SH3BP2: variants seen among roughly 807,000 people sequenced by gnomAD.
The protein encoded by SH3BP2 is SH3 domain-binding protein 2.
SH3BP2 carries 38 observed loss-of-function variants against 56.2 expected under a neutral mutation model. That is an observed-to-expected ratio of 0.68 (90% CI 0.52 to 0.89). SH3BP2 has a LOEUF of 0.89. Among genes scored for constraint, SH3BP2 ranks in the 40% least tolerant of loss-of-function variants. The pLI is 0.00. For synonymous variants in SH3BP2, 346 were observed against 316.7 expected, an observed-to-expected ratio of 1.09 and a Z score of -0.98; for missense variants, 748 against 762.6, an observed-to-expected ratio of 0.98 and a Z score of 0.23.
rs1725146497 is a variant in SH3BP2, at chr4:2,834,021, A to G, written c.*187A>G. On this transcript the variant is annotated 3_prime_UTR_variant, in exon 13 of 13. Coordinates refer to ENST00000503393, the MANE Select transcript of SH3BP2 (RefSeq NM_001122681.2). ...GCAGGTTGGGTTCTAGGGCTGAACC[A>G]GGCGCCAGGCTCCAGAGGACGAAGG... 3.0e-6 allele frequency: 2 copies of G among 666,590 alleles called. No individual in the cohort carries two copies. The highest frequency in any genetic ancestry group is 2.9e-5 in the Admixed American group (1 of 33,954). 41.3% of individuals were successfully genotyped at this position (666,590 alleles called of 1,614,324 possible). A position where few individuals can be genotyped will look rare whatever the true frequency, so the allele number is the denominator to read the frequency against.
intron 5 of SH3BP2, among the ~76,000 whole-genome samples, chr4:2,825,594 GCACA>G (rs140946265): frequency 6.6e-6 from 1 of 151,520 alleles, no homozygotes; most frequent in Non-Finnish European, 1.5e-5. Context: ...ACACAGACAT[GCACA>G]CACACACAGA....
chr4:2,832,945 C>T (rs375329481), intron 11 of SH3BP2, 45 bp from the exon 12 acceptor site: 39 of 1,598,772 alleles, frequency 2.4e-5, no homozygotes, highest in African/African-American at 4.0e-5. Context: ...AGGCTGGTCC[C>T]GCTGTTTCTC....
chr4:2,811,997 C>T (rs1723767457), intron 1 of SH3BP2: 1 of 339,712 alleles, frequency 2.9e-6, no homozygotes, highest in Non-Finnish European at 5.5e-6. Context: ...AGGGAGAAGC[C>T]GAGTATTCAG....
intron 1 of SH3BP2, among the ~76,000 whole-genome samples, chr4:2,802,402 A>ATGTGTGTG (rs1467639495): frequency 2.0e-4 from 20 of 100,486 alleles, no homozygotes; most frequent in Admixed American, 1.2e-3. Flanking sequence ...TCAAAAAAAT[A>ATGTGTGTG]TATGTGTGTG....
intron 1 of SH3BP2, among the ~76,000 whole-genome samples, chr4:2,814,236 C>T (rs1723892300): frequency 6.6e-6 from 1 of 152,250 alleles, no homozygotes; most frequent in Non-Finnish European, 1.5e-5. Flanking sequence ...AGGGCCTGCA[C>T]AGGCCATGAC....
chr4:2,824,990 G>T (rs2108731015), intron 4 of SH3BP2, 136 bp from the exon 5 acceptor site: 1 of 826,586 alleles, frequency 1.2e-6, no homozygotes, highest in Middle Eastern at 3.0e-4. Context: ...GAGCCACACA[G>T]CCATGTTGTA....
intron 1 of SH3BP2, among the ~76,000 whole-genome samples, chr4:2,795,637 G>A (rs575005089): frequency 2.6e-5 from 4 of 152,292 alleles, no homozygotes; most frequent in African/African-American, 7.2e-5. Context: ...CCCACCCCTC[G>A]GGCCAATGAA....
rs201966956 is a variant in SH3BP2, at chr4:2,830,047, G to A, written c.1141G>A (p.Val381Met). Reference protein sequence around the residue: ...AAMPGLFVPPVAPRPPALKLP... With the variant: ...AAMPGLFVPPMAPRPPALKLP... ...CATGCCCGGACTCTTTGTGCCCCCC[G>A]TGGCTCCCCGGCCTCCTGCGCTGAA... The change falls in exon 8 of 13, where the codon GTG becomes ATG. Residue 381 changes from valine to methionine, a missense_variant. Val to Met is a conservative substitution (Grantham distance 21, BLOSUM62 1). Transcript: ENST00000503393. 373 of 1,612,120 alleles carry A rather than the reference G, an allele frequency of 2.3e-4. No individual in the cohort carries two copies. The highest frequency in any genetic ancestry group is 2.8e-4 in the Non-Finnish European group (326 of 1,179,828).
At chr4:2,819,969 A>C (rs1724211935) in intron 1 of SH3BP2, among the ~76,000 whole-genome samples, 1 of 152,042 alleles carries the variant, frequency 6.6e-6, no homozygotes, top group Non-Finnish European at 1.5e-5. Context: ...TTGGGCTCAG[A>C]GGGAAGGGGA....
At chr4:2,818,163 C>T (rs1022152677) in intron 1 of SH3BP2, 1 of 966,234 alleles carries the variant, frequency 1.0e-6, no homozygotes, top group South Asian at 4.8e-5. Flanking sequence ...TCCTCACCTG[C>T]CCGCCCAGTC....
At chr4:2,798,207 C>T (rs952751226) in intron 1 of SH3BP2, among the ~76,000 whole-genome samples, 4 of 152,160 alleles carry the variant, frequency 2.6e-5, no homozygotes, top group South Asian at 2.1e-4. Flanking sequence ...CGAGCGGAGT[C>T]GGTGTCCCCT....
At chr4:2,832,291 C>A in intron 10 of SH3BP2, 40 bp from the exon 11 acceptor site, 2 of 1,539,088 alleles carry the variant, frequency 1.3e-6, no homozygotes, top group South Asian at 1.1e-5. Context: ...GAAAGCTGCC[C>A]GAGGAGGACT....
intron 1 of SH3BP2, chr4:2,799,202 G>T (rs1179281930): frequency 1.0e-6 from 1 of 985,458 alleles, no homozygotes; most frequent in Non-Finnish European, 1.2e-6. Flanking sequence ...CTGCTCCCAG[G>T]CGGGACCCTG....
rs1725319103 is a variant in SH3BP2, at chr4:2,838,767, G to A, written c.*4933G>A. On this transcript the variant is annotated 3_prime_UTR_variant, in exon 13 of 13. Coordinates refer to ENST00000503393, the MANE Select transcript of SH3BP2 (RefSeq NM_001122681.2). ...CATGCCTGCTGTAGATGGACAGTTG[G>A]TTTGTTTCTAGTTTGGGGTAACTAC... 1 of 152,114 alleles carries A rather than the reference G, an allele frequency of 6.6e-6. No individual in the cohort carries two copies. The highest frequency in any genetic ancestry group is 2.1e-4 in the South Asian group (1 of 4,828). The allele number at this position is 152,114 out of a possible 1,614,324, so 9.4% of individuals were successfully genotyped here.
At chr4:2,807,877 C>T (rs565701133) in intron 1 of SH3BP2, among the ~76,000 whole-genome samples, 1 of 152,262 alleles carries the variant, frequency 6.6e-6, no homozygotes, top group African/African-American at 2.4e-5. Flanking sequence ...AGAGCCCAGC[C>T]TTCAGGAGGC....
rs938313888 is a variant in SH3BP2, at chr4:2,840,644, T to A, written c.*6810T>A. The A allele has an allele frequency of 7.9e-5, 12 of 152,394 alleles. No homozygotes were observed. The highest frequency in any genetic ancestry group is 2.6e-4 in the African/African-American group (11 of 41,596). The allele number at this position is 152,394 out of a possible 1,614,324, so 9.4% of individuals were successfully genotyped here. On this transcript the variant is annotated 3_prime_UTR_variant, in exon 13 of 13. Coordinates refer to ENST00000503393, the MANE Select transcript of SH3BP2 (RefSeq NM_001122681.2). ...AAGTAAGTCTTTTCCACCTTATTTT[T>A]CTTCTTTGAGAGTGTCTTGACTATT... is the stretch of plus-strand genomic sequence containing the variant.
At position 2,804,490 on chromosome 4, in the gene SH3BP2, C is replaced by T. The variant is rs561342801; in HGVS notation, c.-5+11352C>T. ...TCTTGGGATCAGTTTAAAACAGAAG[C>T]AGCTCCTAACTCCTCAAGGGTGGGC... On this transcript the variant is annotated intron_variant, in intron 1 of 12. Coordinates refer to ENST00000503393, the MANE Select transcript of SH3BP2 (RefSeq NM_001122681.2). Among the ~76,000 whole-genome samples the T allele has an allele frequency of 4.7e-4, 72 of 152,344 alleles. No homozygotes were observed. In the East Asian group the frequency reaches 0.013, roughly 26 times the overall value.
rs1292429691 is a variant in SH3BP2, at chr4:2,833,034, T to C, written c.1533T>C (p.Tyr511=). The part of the protein sequence containing the change: ...WDETSNKVRN[Y]RIFEKDSKFY... ...AAACCTCTAACAAAGTGAGGAACTA[T>C]CGCATTTTTGAGAAGGTGAGAGGGC... The change falls in exon 12 of 13, where the codon TAT becomes TAC. Residue 511 remains tyrosine, a synonymous_variant. Transcript: ENST00000503393. 1 of 1,614,182 alleles carries C rather than the reference T, an allele frequency of 6.2e-7. No individual in the cohort carries two copies. The highest frequency in any genetic ancestry group is 1.1e-5 in the South Asian group (1 of 91,088).
chr4:2,802,655 ATATG>A (rs1235604717), intron 1 of SH3BP2, among the ~76,000 whole-genome samples: 2 of 144,848 alleles, frequency 1.4e-5, no homozygotes, highest in African/African-American at 2.7e-5. Context: ...ATATATATGT[ATATG>A]TGTGTGTGTG....
Sources: allele counts gnomAD v4.1 joint callset (sites outside exome capture counted in the v4.1 genomes callset), GRCh38; gene constraint gnomAD v4.1.1; transcripts MANE v1.5; gene names NCBI Gene and HGNC (gene_info 2026-07-23, HGNC 2026-07-21).